The following DLAT variants were observed in gnomAD, a reference collection of about 807,000 sequenced individuals.
The protein encoded by DLAT is dihydrolipoyllysine-residue acetyltransferase component of pyruvate dehydrogenase complex, mitochondrial.
A neutral mutation model predicts 68.0 loss-of-function variants in DLAT; 43 were observed. The ratio of observed to expected loss-of-function variants is 0.63; its 90% CI spans 0.50 to 0.81. The LOEUF (loss-of-function observed/expected upper bound fraction) is 0.81, where lower values mean the gene tolerates loss of function less well. Among genes scored for constraint, DLAT ranks in the 40% least tolerant of loss-of-function variants. The pLI is 0.00. For missense variants in DLAT, 745 were observed against 815.4 expected (o/e 0.91, Z 1.05); for synonymous variants, 265 against 288.6 (o/e 0.92, Z 0.83).
intron 12 of DLAT, among the ~76,000 whole-genome samples, chr11:112,060,321 C>T (rs587593709): frequency 2.0e-5 from 3 of 151,910 alleles, no homozygotes; most frequent in Non-Finnish European, 2.9e-5. Context: ...CCACCACGCC[C>T]GGCTAGTTTT....
At chr11:112,031,965 G>A (rs1303009571) in intron 4 of DLAT, among the ~76,000 whole-genome samples, 3 of 121,202 alleles carry the variant, frequency 2.5e-5, no homozygotes, top group African/African-American at 9.7e-5. Flanking sequence ...GCACGATCTT[G>A]GCTCACGGCA....
chr11:112,028,474 C>A (rs782472728), intron 2 of DLAT, 41 bp from the exon 3 acceptor site: 1 of 1,525,004 alleles, frequency 6.6e-7, no homozygotes, highest in Non-Finnish European at 9.0e-7. Flanking sequence ...AAATTACATA[C>A]CAACAGTACA....
At chr11:112,036,196 T>A (rs1382726415) in intron 5 of DLAT, among the ~76,000 whole-genome samples, 8 of 71,082 alleles carry the variant, frequency 1.1e-4, no homozygotes, top group Non-Finnish European at 2.8e-5. Context: ...TGTGTGTGTG[T>A]GTGTGTTTTT....
chr11:112,028,616 G>A lies in DLAT; in HGVS notation c.483G>A (p.Ala161=), dbSNP rs181807830. The change falls in exon 3 of 14, where the codon GCG becomes GCA. Residue 161 remains alanine (A), a synonymous_variant. Coordinates refer to ENST00000280346, the MANE Select transcript of DLAT (RefSeq NM_001931.5). ...GTACCAGGGATGTTCCCATCGGAGC[G>A]ATCATCTGTATCACAGTTGGCAAGT... ...AEGTRDVPIG[A]IICITVGKPE... The A allele has an allele frequency of 1.9e-6, 3 of 1,614,066 alleles. No individual in the cohort carries two copies. Among genetic ancestry groups the A allele is most frequent in the East Asian group, 2.2e-5 (1 of 44,886 alleles).
rs1555179251 is a variant in DLAT at position 112,026,305 on chromosome 11, T to G, written c.381+6T>G. Reference sequence around the variant, plus strand: ...AAGGTGACCTAATTGCAGAGGTAAGTTTTTTTTTTTTTTTTTAATTAATTT... The same window carrying G: ...AAGGTGACCTAATTGCAGAGGTAAGGTTTTTTTTTTTTTTTTAATTAATTT... On this transcript the variant is annotated splice_donor_region_variant and intron_variant, in intron 2 of 13. Transcript: ENST00000280346. The G allele has an allele frequency of 5.6e-6, 3 of 540,394 alleles. No homozygotes were observed. Among genetic ancestry groups the G allele is most frequent in the Admixed American group, 1.0e-4 (2 of 19,490 alleles). 33.5% of individuals were successfully genotyped at this position (540,394 alleles called of 1,614,324 possible).
At chr11:112,053,441 G>GTT (rs587664280) in intron 11 of DLAT, among the ~76,000 whole-genome samples, 1 of 150,816 alleles carries the variant, frequency 6.6e-6, no homozygotes, top group African/African-American at 2.4e-5. Flanking sequence ...ACAACTGTTT[G>GTT]TTTTTTTTTG....
intron 7 of DLAT, among the ~76,000 whole-genome samples, chr11:112,040,955 T>C (rs1236535040): frequency 6.6e-6 from 1 of 151,792 alleles, no homozygotes; most frequent in African/African-American, 2.4e-5. Flanking sequence ...AAAATCCCAC[T>C]GTTCTTACTA....
At chr11:112,028,047 G>C (rs1555179587) in intron 2 of DLAT, among the ~76,000 whole-genome samples, 2 of 152,208 alleles carry the variant, frequency 1.3e-5, no homozygotes, top group African/African-American at 4.8e-5. Context: ...CTACCCCTTT[G>C]TTTAAGAAAC....
intron 2 of DLAT, among the ~76,000 whole-genome samples, chr11:112,028,312 G>C (rs889780138): frequency 2.6e-5 from 4 of 151,498 alleles, no homozygotes; most frequent in Admixed American, 2.0e-4. Flanking sequence ...CCAGCTACTC[G>C]GGAGGCTGAG....
At chr11:112,049,948 G>C (rs958318066) in intron 10 of DLAT, among the ~76,000 whole-genome samples, 3 of 152,216 alleles carry the variant, frequency 2.0e-5, no homozygotes, top group African/African-American at 7.2e-5. Context: ...TAGCAGAAGT[G>C]AACATCTTGT....
chr11:112,061,732 G>A (rs913358873), intron 13 of DLAT, among the ~76,000 whole-genome samples: 1 of 152,070 alleles, frequency 6.6e-6, no homozygotes, highest in Admixed American at 6.5e-5. Context: ...TTACAGGCAT[G>A]TACTACCACA....
chr11:112,058,493 G>C (rs1864257936), intron 11 of DLAT, among the ~76,000 whole-genome samples: 1 of 151,686 alleles, frequency 6.6e-6, no homozygotes, highest in Admixed American at 6.6e-5. Context: ...CTGTGCCTTT[G>C]TTTGAAGTCT....
intron 1 of DLAT, 89 bp from the exon 2 acceptor site, chr11:112,026,109 G>C: frequency 9.5e-7 from 1 of 1,051,608 alleles, no homozygotes; most frequent in Non-Finnish European, 1.4e-6. Flanking sequence ...TATACACTTT[G>C]CATGAAATTG....
chr11:112,046,901 C>A lies in DLAT; in HGVS notation c.1398+931C>A, dbSNP rs184302561. 3.8e-3 allele frequency among the ~76,000 whole-genome samples: 584 copies of A among 152,250 alleles called. 2 individuals carry two copies. Among genetic ancestry groups the A allele is most frequent in the African/African-American group, 0.013 (537 of 41,548 alleles). Reference sequence around the variant, plus strand: ...CATTTGGCTTGGTTCCAAGTCTTTGCTATTGGGAACAGTGCTGCAGTAAAC... The same window carrying A: ...CATTTGGCTTGGTTCCAAGTCTTTGATATTGGGAACAGTGCTGCAGTAAAC... On this transcript the variant is annotated intron_variant, in intron 10 of 13. Coordinates refer to ENST00000280346, the MANE Select transcript of DLAT (RefSeq NM_001931.5).
Position 112,062,777 on chromosome 11 carries a change from ATG to A in DLAT, c.*244_*245del. ...AGCTCTGTACTCCTAATTAAGGGAC[ATG>A]TATGTGGCCTTGCCTAGCCCTTTGG... is the stretch of plus-strand genomic sequence containing the variant. On this transcript the variant is annotated 3_prime_UTR_variant, in exon 14 of 14. Coordinates refer to ENST00000280346, the MANE Select transcript of DLAT (RefSeq NM_001931.5). The A allele has an allele frequency of 2.1e-6, 1 of 468,120 alleles. No homozygotes were observed. Among genetic ancestry groups the A allele is most frequent in the Non-Finnish European group, 3.9e-6 (1 of 257,048 alleles). 29.0% of individuals were successfully genotyped at this position (468,120 alleles called of 1,614,324 possible).
At position 112,051,568 on chromosome 11, in the gene DLAT, T is replaced by G. The variant is rs185150949; in HGVS notation, c.1514+219T>G. Among the ~76,000 whole-genome samples, 1,182 of 152,168 alleles carry G rather than the reference T, an allele frequency of 7.8e-3. 19 individuals carry two copies. The highest frequency in any genetic ancestry group is 0.027 in the African/African-American group (1,119 of 41,494). ...TTTCAACCTTGTTTTTGTTTTTGTT[T>G]TTGTTGTTGTTGTTGATTTATTTTT... On this transcript the variant is annotated intron_variant, in intron 11 of 13. Coordinates refer to ENST00000280346, the MANE Select transcript of DLAT (RefSeq NM_001931.5). This position sits in a 1 kb window ranked among gnomAD's most constrained non-coding sequence, Gnocchi z 4.3.
At chr11:112,060,485 A>C (rs1415089348) in intron 12 of DLAT, among the ~76,000 whole-genome samples, 1 of 149,872 alleles carries the variant, frequency 6.7e-6, no homozygotes, top group Non-Finnish European at 1.5e-5. Flanking sequence ...ACAGAGTCTC[A>C]CTCTTGTCAC....
intron 11 of DLAT, among the ~76,000 whole-genome samples, chr11:112,058,292 G>T (rs1555182793): frequency 6.6e-6 from 1 of 152,194 alleles, no homozygotes; most frequent in Non-Finnish European, 1.5e-5. Context: ...TATTTGCTGT[G>T]TGATACCTTG....
chr11:112,036,203 T>TGG (rs1566617824), intron 5 of DLAT, among the ~76,000 whole-genome samples: 3 of 22,060 alleles, frequency 1.4e-4, no homozygotes, highest in African/African-American at 4.7e-4. Flanking sequence ...GTGTGTGTGT[T>TGG]TTTTTTTTTT....
Sources: gnomAD v4.1 joint callset for allele counts (sites outside exome capture counted in the v4.1 genomes callset) on GRCh38, gnomAD v4.1.1 for gene constraint, Gnocchi (gnomAD v3.1) non-coding constraint, MANE v1.5 for transcripts, NCBI Gene and HGNC (gene_info 2026-07-23, HGNC 2026-07-21) for gene names.